Variants in AMMECR1 observed in about 807,000 individuals in gnomAD.
The protein encoded by AMMECR1 is AMMECR nuclear protein 1.
AMMECR1 carries 3 observed loss-of-function variants against 22.5 expected under a neutral mutation model. The ratio of observed to expected loss-of-function variants is 0.13; its 90% confidence interval spans 0.06 to 0.35. The LOEUF (loss-of-function observed/expected upper bound fraction) is 0.35, where lower values mean the gene tolerates loss of function less well. Ranked by LOEUF, AMMECR1 falls within the 10% of genes least tolerant of loss-of-function variation. The pLI is 1.00. For missense variants in AMMECR1, 235 were observed against 278.7 expected (o/e 0.84, Z 1.12); for synonymous variants, 130 against 116.7 (o/e 1.11, Z -0.74).
At chrX:110,310,537 A>C (rs999386638) in intron 1 of AMMECR1, among the ~76,000 whole-genome samples, 2 of 111,750 alleles carry the variant, frequency 1.8e-5, no homozygotes, top group Non-Finnish European at 3.8e-5. Context: ...GAATAGGTGA[A>C]GAGGGAAAGG....
chrX:110,347,349 ATTTTG>A (rs1471672009), intron 2 of AMMECR1, among the ~76,000 whole-genome samples: 3 of 112,626 alleles, frequency 2.7e-5, no homozygotes, highest in African/African-American at 9.7e-5. Context: ...CTCATGTATA[ATTTTG>A]TTTTGAGATA....
chrX:110,339,973 TACACACACACACACACACACACAC>T (rs35459612), intron 2 of AMMECR1, among the ~76,000 whole-genome samples: 1 of 78,786 alleles, frequency 1.3e-5, no homozygotes, highest in South Asian at 6.4e-4. Context: ...AGGCAAAACA[TACACACACACACACACACACACAC>T]ACACACACAC....
At chrX:110,284,320 C>G (rs1446397504) in intron 1 of AMMECR1, among the ~76,000 whole-genome samples, 4 of 111,048 alleles carry the variant, frequency 3.6e-5, no homozygotes, top group African/African-American at 1.3e-4. Flanking sequence ...CGTAGAAAGT[C>G]TCCTTCGAAT....
chrX:110,297,774 A>T (rs752830412), intron 1 of AMMECR1, among the ~76,000 whole-genome samples: 2 of 111,210 alleles, frequency 1.8e-5, no homozygotes, highest in Non-Finnish European at 3.8e-5. Flanking sequence ...TTGAGTTTGA[A>T]AATCATTCTG....
chrX:110,265,983 G>A (rs2067766606), intron 1 of AMMECR1, among the ~76,000 whole-genome samples: 1 of 111,699 alleles, frequency 9.0e-6, no homozygotes, highest in Non-Finnish European at 1.9e-5. Flanking sequence ...TCTTCCAAGA[G>A]CCAAATGTCC....
intron 2 of AMMECR1, among the ~76,000 whole-genome samples, chrX:110,338,389 C>T (rs879209545): frequency 1.7e-4 from 19 of 111,733 alleles, no homozygotes; most frequent in African/African-American, 6.2e-4. Flanking sequence ...AGTGGACAGA[C>T]AAGAAGCCAG....
At chrX:110,284,961 G>A (rs1190127624) in intron 1 of AMMECR1, among the ~76,000 whole-genome samples, 2 of 111,638 alleles carry the variant, frequency 1.8e-5, no homozygotes, top group East Asian at 5.6e-4. Flanking sequence ...CCTCCTCAAA[G>A]AGACCCAACT....
intron 1 of AMMECR1, among the ~76,000 whole-genome samples, chrX:110,265,474 T>C (rs1278971337): frequency 1.8e-5 from 2 of 112,081 alleles, no homozygotes; most frequent in African/African-American, 6.5e-5. Flanking sequence ...TCATCAAGAA[T>C]AACGTGGTTT....
At chrX:110,250,321 TA>T (rs1311846097) in intron 2 of AMMECR1, among the ~76,000 whole-genome samples, 3 of 111,945 alleles carry the variant, frequency 2.7e-5, no homozygotes, top group Non-Finnish European at 3.8e-5. Flanking sequence ...TTGGGATCAC[TA>T]AAAGATCTAG....
chrX:110,200,862 G>A, intron 5 of AMMECR1, 92 bp downstream of exon 5: 2 of 588,798 alleles, frequency 3.4e-6, no homozygotes, highest in Non-Finnish European at 2.8e-6. Flanking sequence ...GAAAAAAGAA[G>A]TGTAGTTAGA....
intron 1 of AMMECR1, among the ~76,000 whole-genome samples, chrX:110,433,881 A>G (rs2068816953): frequency 8.9e-6 from 1 of 112,091 alleles, no homozygotes; most frequent in African/African-American, 3.3e-5. Context: ...TATTTTATCC[A>G]AGCTTGTGGG....
intron 1 of AMMECR1, among the ~76,000 whole-genome samples, chrX:110,312,843 A>G (rs898166448): frequency 3.4e-4 from 38 of 112,029 alleles, no homozygotes; most frequent in Non-Finnish European, 3.8e-5. Flanking sequence ...TTTTGCTTTT[A>G]TAAGAAAAAC....
At chrX:110,348,675 G>C (rs185139353) in intron 2 of AMMECR1, among the ~76,000 whole-genome samples, 2 of 112,195 alleles carry the variant, frequency 1.8e-5, no homozygotes, top group South Asian at 3.7e-4. Context: ...AAAATATACT[G>C]TCGAGTAAAA....
chrX:110,430,708 C>T (rs924457175), intron 1 of AMMECR1, among the ~76,000 whole-genome samples: 3 of 112,446 alleles, frequency 2.7e-5, no homozygotes, highest in African/African-American at 9.7e-5. Context: ...TTTTCATTTC[C>T]TAACTAGAGA....
At chrX:110,398,073 C>T (rs1279502839) in intron 2 of AMMECR1, among the ~76,000 whole-genome samples, 1 of 112,020 alleles carries the variant, frequency 8.9e-6, no homozygotes, top group Non-Finnish European at 1.9e-5. Context: ...TCCTCCCACG[C>T]ATAGGCTGAC....
At chrX:110,433,351 T>C (rs369386771) in intron 1 of AMMECR1, among the ~76,000 whole-genome samples, 2 of 111,767 alleles carry the variant, frequency 1.8e-5, no homozygotes, top group African/African-American at 6.5e-5. Context: ...CAAGCACTTC[T>C]CTCTCTTCCA....
At chrX:110,270,472 T>A (rs979323720) in intron 1 of AMMECR1, among the ~76,000 whole-genome samples, 12 of 108,482 alleles carry the variant, frequency 1.1e-4, no homozygotes, top group African/African-American at 4.1e-4. Flanking sequence ...TATAATATGG[T>A]TTTTTTTTCC....
intron 2 of AMMECR1, among the ~76,000 whole-genome samples, chrX:110,331,617 G>A (rs755339030): frequency 2.7e-5 from 3 of 111,258 alleles, no homozygotes; most frequent in Non-Finnish European, 5.7e-5. Flanking sequence ...TCTATATTCA[G>A]TCTATTTTTG....
Position 110,345,501 on chromosome X carries a change from A to T in AMMECR1, c.-147-27652T>A, listed in dbSNP as rs187319764. On this transcript the variant is annotated intron_variant, in intron 2 of 7. Transcript: ENST00000372057. ...CTAGAACTTAAAGTGTAATAAAAAA[A>T]ATATATATATATATATAAAAAGAAA... is the stretch of plus-strand genomic sequence containing the variant. Among the ~76,000 whole-genome samples, 985 of 107,224 alleles carry T rather than the reference A, an allele frequency of 9.2e-3. 5 individuals carry two copies. Among genetic ancestry groups the T allele is most frequent in the African/African-American group, 0.013 (382 of 29,333 alleles). 93.1% of individuals were successfully genotyped at this position (107,224 alleles called of 115,157 possible). A position where few individuals can be genotyped will look rare whatever the true frequency, so the allele number is the denominator to read the frequency against.
Sources: gnomAD v4.1 joint callset for allele counts (sites outside exome capture counted in the v4.1 genomes callset) on GRCh38, gnomAD v4.1.1 for gene constraint, MANE v1.5 for transcripts, NCBI Gene and HGNC (gene_info 2026-07-23, HGNC 2026-07-21) for gene names.